The following AGPAT5 variants were observed in gnomAD, a reference collection of about 807,000 sequenced individuals.
AGPAT5 encodes 1-acyl-sn-glycerol-3-phosphate acyltransferase epsilon.
Under a neutral mutation model 45.6 loss-of-function variants are expected in AGPAT5, and 46 were observed. That is an observed-to-expected ratio of 1.01 (90% CI 0.80 to 1.29). The LOEUF is 1.29. AGPAT5 is among the 50% of genes most tolerant of loss of function. AGPAT5 has a pLI of 0.00. For missense variants in AGPAT5, 673 were observed against 450.7 expected, an observed-to-expected ratio of 1.49 and a Z score of -4.47; for synonymous variants, 272 against 167.0, an observed-to-expected ratio of 1.63 and a Z score of -4.85.
At chr8:6,718,655 T>A (rs1559744) in intron 1 of AGPAT5, among the ~76,000 whole-genome samples, 1 of 151,922 alleles carries the variant, frequency 6.6e-6, no homozygotes, top group Non-Finnish European at 1.5e-5. Context: ...CTAGTATTTT[T>A]ACAAATTTCA....
At chr8:6,712,425 A>G (rs963176890) in intron 1 of AGPAT5, among the ~76,000 whole-genome samples, 1 of 152,208 alleles carries the variant, frequency 6.6e-6, no homozygotes, top group Admixed American at 6.5e-5. Flanking sequence ...TAAAGGTGAT[A>G]TAACTTCTAA....
At chr8:6,711,996 G>A (rs549711146) in intron 1 of AGPAT5, among the ~76,000 whole-genome samples, 79 of 152,304 alleles carry the variant, frequency 5.2e-4, no homozygotes, top group African/African-American at 1.8e-3. Context: ...AGGTTCCAGG[G>A]CTTAGGATGT....
At chr8:6,725,626 T>C (rs991338614) in intron 2 of AGPAT5, among the ~76,000 whole-genome samples, 4 of 152,226 alleles carry the variant, frequency 2.6e-5, no homozygotes, top group African/African-American at 9.7e-5. Context: ...GAAATTGTCA[T>C]TGGGTAAGGT....
chr8:6,722,206 A>G (rs1450224565), intron 1 of AGPAT5, among the ~76,000 whole-genome samples: 3 of 152,172 alleles, frequency 2.0e-5, no homozygotes, highest in Non-Finnish European at 2.9e-5. Context: ...ATGGAAATTC[A>G]TATCACCTTT....
intron 4 of AGPAT5, among the ~76,000 whole-genome samples, chr8:6,739,385 G>A (rs559283983): frequency 8.5e-5 from 13 of 152,196 alleles, no homozygotes; most frequent in African/African-American, 3.1e-4. Flanking sequence ...GGGAAGAATT[G>A]ATATAACAGG....
At chr8:6,729,119 T>C (rs1800781605) in intron 2 of AGPAT5, among the ~76,000 whole-genome samples, 1 of 152,204 alleles carries the variant, frequency 6.6e-6, no homozygotes, top group South Asian at 2.1e-4. Flanking sequence ...TGATAATCCC[T>C]GATTAAAAAG....
intron 3 of AGPAT5, among the ~76,000 whole-genome samples, chr8:6,731,476 C>G (rs1800861700): frequency 6.6e-6 from 1 of 151,968 alleles, no homozygotes; most frequent in Non-Finnish European, 1.5e-5. Flanking sequence ...TTATAAATGC[C>G]ATGTAAATGG....
chr8:6,720,745 G>T (rs1047208243), intron 1 of AGPAT5, among the ~76,000 whole-genome samples: 1 of 152,142 alleles, frequency 6.6e-6, no homozygotes, highest in African/African-American at 2.4e-5. Flanking sequence ...TCTGGATTTT[G>T]TTTTTCATAT....
chr8:6,739,018 AT>A (rs1235638594), intron 4 of AGPAT5, among the ~76,000 whole-genome samples: 1 of 151,980 alleles, frequency 6.6e-6, no homozygotes, highest in Admixed American at 6.6e-5. Flanking sequence ...CGAAGTTCAT[AT>A]TTTTTTAATA....
chr8:6,757,109 TGAA>T, intron 7 of AGPAT5, 51 bp from the exon 8 acceptor site: 1 of 1,369,780 alleles, frequency 7.3e-7, no homozygotes, highest in Non-Finnish European at 1.0e-6. Context: ...TGATATTTTT[TGAA>T]TTGAAATACT....
At chr8:6,745,834 G>A (rs1293100648) in intron 5 of AGPAT5, 2 of 151,562 alleles carry the variant, frequency 1.3e-5, no homozygotes, top group African/African-American at 4.9e-5. Flanking sequence ...GTTTCCACAT[G>A]CTTAGCTTCG....
chr8:6,750,105 T>C (rs1450936687), intron 6 of AGPAT5, among the ~76,000 whole-genome samples: 2 of 152,204 alleles, frequency 1.3e-5, no homozygotes, highest in African/African-American at 2.4e-5. Flanking sequence ...AAGGCTACTG[T>C]TCTCCCACAG....
intron 2 of AGPAT5, 28 bp downstream of exon 2, chr8:6,724,967 G>C (rs768274452): frequency 1.0e-5 from 10 of 957,476 alleles, no homozygotes; most frequent in Non-Finnish European, 1.3e-5. Context: ...ATGAAACATA[G>C]GTTTTTCTAC....
intron 6 of AGPAT5, among the ~76,000 whole-genome samples, chr8:6,753,288 G>C (rs1045137096): frequency 1.3e-5 from 2 of 152,144 alleles, no homozygotes; most frequent in Non-Finnish European, 2.9e-5. Context: ...AATGCAGTCT[G>C]TTCCATCTTC....
In AGPAT5 at chr8:6,708,673, T is replaced by A; in HGVS notation, c.5T>A (p.Leu2Gln). The part of the protein sequence containing the change: M[L>Q]LSLVLHTYSM... The stretch of plus-strand genomic sequence containing the variant: ...CGCTGCCGCCGAGCTGAGAAGATGC[T>A]GCTGTCCCTGGTGCTCCACACGTAC... Residue 2 changes from leucine (L) to glutamine (Q), a missense_variant, in exon 1 of 8, where the codon CTG becomes CAG. Transcript: ENST00000285518. 1 of 1,586,292 alleles carries A rather than the reference T, an allele frequency of 6.3e-7. No individual in the cohort carries two copies. Among genetic ancestry groups the A allele is most frequent in the Non-Finnish European group, 8.5e-7 (1 of 1,172,786 alleles).
chr8:6,712,990 G>C (rs1378534498), intron 1 of AGPAT5, among the ~76,000 whole-genome samples: 3 of 152,152 alleles, frequency 2.0e-5, no homozygotes, highest in Non-Finnish European at 4.4e-5. Flanking sequence ...ACACGTAATA[G>C]ATTGGGGTTT....
In AGPAT5 at chr8:6,738,789, AC is replaced by A. The variant is rs535684333; in HGVS notation, c.496-2871del. ...AGTACGTGTGTTTTTTTATTTTTATACATTTATATGTATCTTTTGAAGAACA... is the reference window on the plus strand; with the variant it reads ...AGTACGTGTGTTTTTTTATTTTTATAATTTATATGTATCTTTTGAAGAACA... On this transcript the variant is annotated intron_variant, in intron 4 of 7. Transcript: ENST00000285518. Among the ~76,000 whole-genome samples the A allele has an allele frequency of 5.9e-5, 9 of 152,216 alleles. No homozygotes were observed. In the South Asian group the frequency reaches 1.9e-3, roughly 32 times the overall value.
At chr8:6,725,753 A>G (rs1587015269) in intron 2 of AGPAT5, among the ~76,000 whole-genome samples, 1 of 152,218 alleles carries the variant, frequency 6.6e-6, no homozygotes, top group East Asian at 1.9e-4. Flanking sequence ...ACTTTAAAAA[A>G]TATAATACCT....
chr8:6,741,713 A>T lies in AGPAT5; in HGVS notation c.548A>T (p.Lys183Ile). The T allele has an allele frequency of 6.2e-7, 1 of 1,612,900 alleles. No individual in the cohort carries two copies. Among genetic ancestry groups the T allele is most frequent in the Non-Finnish European group, 8.5e-7 (1 of 1,179,392 alleles). Residue 183 changes from lysine to isoleucine, a missense_variant, in exon 5 of 8, where the codon AAA becomes ATA. Coordinates refer to ENST00000285518, the MANE Select transcript of AGPAT5 (RefSeq NM_018361.5). ...ACAAGGTATAATCCAGAGCAAACAAAAGTCCTTTCAGCTAGTCAGGCATTT... is the reference window on the plus strand; with the variant it reads ...ACAAGGTATAATCCAGAGCAAACAATAGTCCTTTCAGCTAGTCAGGCATTT... Reference protein sequence around the residue: ...EGTRYNPEQTKVLSASQAFAA... With the variant: ...EGTRYNPEQTIVLSASQAFAA...
Sources: gnomAD v4.1 joint callset for allele counts (sites outside exome capture counted in the v4.1 genomes callset) on GRCh38, gnomAD v4.1.1 for gene constraint, MANE v1.5 for transcripts, NCBI Gene and HGNC (gene_info 2026-07-23, HGNC 2026-07-21) for gene names.